The following TP73 variants were observed in gnomAD, a reference collection of about 807,000 sequenced individuals.
The protein encoded by TP73 is tumor protein p73.
In TP73, 25 loss-of-function variants were observed where a neutral mutation model predicts 62.5. The ratio of observed to expected loss-of-function variants is 0.40; its 90% CI spans 0.29 to 0.56. The LOEUF is 0.56. Among genes scored for constraint, TP73 ranks in the 20% least tolerant of loss-of-function variants. The pLI, the probability that TP73 is intolerant of heterozygous loss-of-function variation, is 0.46. For synonymous variants in TP73, 423 were observed against 377.5 expected (o/e 1.12, Z -1.40); for missense variants, 754 against 913.3 (o/e 0.83, Z 2.25).
Position 3,707,771 on chromosome 1 carries a change from G to A in TP73, c.409G>A (p.Ala137Thr), listed in dbSNP as rs1379702301. The A allele has an allele frequency of 6.2e-7, 1 of 1,612,798 alleles. No homozygotes were observed. The highest frequency in any genetic ancestry group is 8.5e-7 in the Non-Finnish European group (1 of 1,179,856). ...GGTCACTTTCCAGCAGTCCAGCACG[G>A]CCAAGTCAGCCACCTGGACGGTGAG... The part of the protein sequence containing the change: ...FEVTFQQSST[A>T]KSATWTYSPL... Residue 137 changes from alanine to threonine, a missense_variant, in exon 4 of 14, where the codon GCC becomes ACC. By Grantham distance (58) the Ala-to-Thr change is moderately conservative. This residue lies in a region of TP73 where 235 missense variants were observed against 251.4 expected (regional missense o/e 0.93). Coordinates refer to ENST00000378295, the MANE Select transcript of TP73 (RefSeq NM_005427.4).
At chr1:3,725,140 G>A (rs1641398655) in intron 6 of TP73, among the ~76,000 whole-genome samples, 1 of 152,162 alleles carries the variant, frequency 6.6e-6, no homozygotes, top group Non-Finnish European at 1.5e-5. Context: ...GCCCAGGTGA[G>A]CCCGCAGCAT....
chr1:3,670,653 G>A lies in TP73; in HGVS notation c.-33-11680G>A, dbSNP rs144549691. Among the ~76,000 whole-genome samples the A allele has an allele frequency of 3.3e-5, 5 of 152,084 alleles. No homozygotes were observed. The highest frequency in any genetic ancestry group is 6.5e-5 in the Admixed American group (1 of 15,282). Reference sequence around the variant, plus strand: ...TGCACTCCAGCCTGGGTGACAGAGCGAGACTCTATCTCAAAAAAAATAAAA... The same window carrying A: ...TGCACTCCAGCCTGGGTGACAGAGCAAGACTCTATCTCAAAAAAAATAAAA... On this transcript the variant is annotated intron_variant, in intron 1 of 13. Transcript: ENST00000378295. This position sits in a 1 kb window ranked among gnomAD's most constrained non-coding sequence, Gnocchi z 5.9.
At chr1:3,717,021 C>CT (rs1640653374) in intron 4 of TP73, among the ~76,000 whole-genome samples, 1 of 152,174 alleles carries the variant, frequency 6.6e-6, no homozygotes, top group African/African-American at 2.4e-5. Flanking sequence ...AAAATAAAAG[C>CT]CCCCACTGCA....
In TP73 at chr1:3,699,126, C is replaced by T. The variant is rs570115520; in HGVS notation, c.187-8423C>T. On this transcript the variant is annotated intron_variant, in intron 3 of 13. Coordinates refer to ENST00000378295, the MANE Select transcript of TP73 (RefSeq NM_005427.4). This position sits in a 1 kb window ranked among gnomAD's most constrained non-coding sequence, Gnocchi z 4.1. ...GCAGAGGGTGCTGTGTGCACATTGT[C>T]GGGAGAGGGAGGCTTCCCCCCAGCC... Among the ~76,000 whole-genome samples the T allele has an allele frequency of 3.8e-3, 580 of 150,824 alleles. 3 individuals carry two copies. The highest frequency in any genetic ancestry group is 5.8e-3 in the Non-Finnish European group (396 of 67,978).
At chr1:3,685,150 G>T (rs969548312) in intron 3 of TP73, among the ~76,000 whole-genome samples, 1 of 152,212 alleles carries the variant, frequency 6.6e-6, no homozygotes, top group Admixed American at 6.5e-5. Context: ...GAGGGCAGAA[G>T]GCCCCTAAGA....
chr1:3,690,096 T>C (rs1645772672), intron 3 of TP73, among the ~76,000 whole-genome samples: 2 of 152,130 alleles, frequency 1.3e-5, no homozygotes, highest in Admixed American at 6.5e-5. Context: ...TTGTCCCTGT[T>C]TCCTGGGGGC....
chr1:3,732,918 G>A lies in TP73; in HGVS notation c.1750G>A (p.Glu584Lys). 6.2e-7 allele frequency: 1 copy of A among 1,610,966 alleles called. No homozygotes were observed. The highest frequency in any genetic ancestry group is 8.5e-7 in the Non-Finnish European group (1 of 1,179,576). Residue 584 changes from glutamate to lysine, a missense_variant, in exon 14 of 14, where the codon GAG (glutamate) becomes AAG (lysine). Glu to Lys is a moderately conservative substitution (Grantham distance 56, BLOSUM62 1). Around this residue, in one of 3 missense-constraint regions of TP73, gnomAD observed 458 missense variants for 528.7 expected, o/e 0.87. Coordinates refer to ENST00000378295, the MANE Select transcript of TP73 (RefSeq NM_005427.4). ...SGELQRQRVM[E>K]AVHFRVRHTI... Reference sequence around the variant, plus strand: ...GGAACTGCAGCGCCAGCGGGTCATGGAGGCCGTGCACTTCCGCGTGCGCCA... The same window carrying A: ...GGAACTGCAGCGCCAGCGGGTCATGAAGGCCGTGCACTTCCGCGTGCGCCA...
At chr1:3,655,045 C>T (rs543795320) in intron 1 of TP73, among the ~76,000 whole-genome samples, 8 of 152,336 alleles carry the variant, frequency 5.3e-5, no homozygotes, top group Middle Eastern at 3.4e-3. Context: ...AGTGACATCG[C>T]GTACACGGTG....
At chr1:3,682,002 G>A (rs951996290) in intron 1 of TP73, among the ~76,000 whole-genome samples, 4 of 152,222 alleles carry the variant, frequency 2.6e-5, no homozygotes, top group African/African-American at 7.2e-5. Context: ...AGGCCCTCAA[G>A]GCAGCCCCAG....
At chr1:3,703,897 G>A (rs573732719) in intron 3 of TP73, among the ~76,000 whole-genome samples, 6 of 152,292 alleles carry the variant, frequency 3.9e-5, no homozygotes, top group Non-Finnish European at 7.4e-5. Flanking sequence ...GGCCATCCCC[G>A]GGCCCAAAAC....
rs138045453 is a variant in TP73 at position 3,674,834 on chromosome 1, C to T, written c.-33-7499C>T. 2.4e-3 allele frequency among the ~76,000 whole-genome samples: 371 copies of T among 152,334 alleles called. 1 individual carries two copies. The highest frequency in any genetic ancestry group is 7.9e-3 in the African/African-American group (330 of 41,570). The stretch of plus-strand genomic sequence containing the variant: ...CTGCAGGAATTCCGCTGGGCTGCTG[C>T]CTGGGAGAGCCGCTGTCTCACACAG... On this transcript the variant is annotated intron_variant, in intron 1 of 13. Coordinates refer to ENST00000378295, the MANE Select transcript of TP73 (RefSeq NM_005427.4).
At position 3,702,068 on chromosome 1, in the gene TP73, G is replaced by A. The variant is rs946908110; in HGVS notation, c.187-5481G>A. On this transcript the variant is annotated intron_variant, in intron 3 of 13. Coordinates refer to ENST00000378295, the MANE Select transcript of TP73 (RefSeq NM_005427.4). ...CTGCTGTTCTGGGATGGGCAGCCCT[G>A]GCCACCACTTCCTGCCCACCTTGTG... Among the ~76,000 whole-genome samples the A allele has an allele frequency of 2.0e-5, 3 of 152,212 alleles. No individual in the cohort carries two copies. The South Asian group carries it at 6.2e-4, about 31-fold the overall frequency.
In TP73 at chr1:3,730,167, G is replaced by A. The variant is rs199905762; in HGVS notation, c.1345+19G>A. On this transcript the variant is annotated intron_variant, in intron 11 of 13. Coordinates refer to ENST00000378295, the MANE Select transcript of TP73 (RefSeq NM_005427.4). ...CCCGTGGGTGAGTCCCTTGGGCAGTGCGGGCCCACGGGCAGGGCGGGGAGG... is the reference window on the plus strand; with the variant it reads ...CCCGTGGGTGAGTCCCTTGGGCAGTACGGGCCCACGGGCAGGGCGGGGAGG... 3.1e-4 allele frequency: 474 copies of A among 1,517,090 alleles called. 2 individuals are homozygous for A. The African/African-American group carries it at 5.2e-3, about 17-fold the overall frequency. 94.0% of individuals were successfully genotyped at this position (1,517,090 alleles called of 1,614,324 possible).
At chr1:3,653,339 C>T (rs1040784727) in intron 1 of TP73, among the ~76,000 whole-genome samples, 2 of 152,258 alleles carry the variant, frequency 1.3e-5, no homozygotes, top group Middle Eastern at 3.2e-3. Flanking sequence ...ACCTCACGCC[C>T]CCTTAGCTCC....
rs1645789936 is a variant in TP73, at chr1:3,690,591, T to TCCC, written c.186+7412_186+7413insCCC. The TCCC allele has an allele frequency of 4.8e-6, 6 of 1,249,022 alleles. No homozygotes were observed. The South Asian group carries it at 1.1e-4, about 23-fold the overall frequency. The allele number at this position is 1,249,022 out of a possible 1,614,324, so 77.4% of individuals were successfully genotyped here. A position where few individuals can be genotyped will look rare whatever the true frequency, so the allele number is the denominator to read the frequency against. Reference sequence around the variant, plus strand: ...AGCCTCCTTGGTGCGGTCCAACACATCACCGGGCAAGCTGAGGCCTGCCCC... The same window carrying TCCC: ...AGCCTCCTTGGTGCGGTCCAACACATCCCCACCGGGCAAGCTGAGGCCTGCCCC... On this transcript the variant is annotated intron_variant, in intron 3 of 13. Transcript: ENST00000378295.
intron 1 of TP73, among the ~76,000 whole-genome samples, chr1:3,681,928 T>A (rs56265633): frequency 0.096 from 13,916 of 144,540 alleles, 1,875 homozygotes; most frequent in African/African-American, 0.29. Context: ...CAGTGGATCA[T>A]AACAGACCAC....
In TP73 at chr1:3,682,407, G is replaced by T. The variant is rs1400819253; in HGVS notation, c.42G>T (p.Thr14=). 1 of 1,564,484 alleles carries T rather than the reference G, an allele frequency of 6.4e-7. No homozygotes were observed. Among genetic ancestry groups the T allele is most frequent in the South Asian group, 1.2e-5 (1 of 85,212 alleles). ...CCACCTCCCCTGATGGGGGCACCAC[G>T]TTTGAGCACCTCTGGAGCTCTCTGT... ...STATSPDGGT[T]FEHLWSSLEP... is the part of the protein sequence containing the mutation. Residue 14 remains threonine, a synonymous_variant, in exon 2 of 14, where the codon ACG becomes ACT. Transcript: ENST00000378295.
chr1:3,664,344 T>G (rs1394829828), intron 1 of TP73, among the ~76,000 whole-genome samples: 10 of 151,626 alleles, frequency 6.6e-5, no homozygotes, highest in Admixed American at 6.6e-4. Context: ...TGAGGAGGGG[T>G]GGGGGCTCTA....
chr1:3,662,827 G>T lies in TP73; in HGVS notation c.-34+10186G>T, dbSNP rs1475583759. On this transcript the variant is annotated intron_variant, in intron 1 of 13. Transcript: ENST00000378295. This position sits in a 1 kb window ranked among gnomAD's most constrained non-coding sequence, Gnocchi z 4.4. ...CAGCTCCCCACCAGGCCCCAGGACA[G>T]ACCTGGCTGGGGAGCGCAGGGAGGG... Among the ~76,000 whole-genome samples the T allele has an allele frequency of 6.6e-6, 1 of 152,214 alleles. No homozygotes were observed. Among genetic ancestry groups the T allele is most frequent in the Non-Finnish European group, 1.5e-5 (1 of 68,030 alleles).
Sources: gnomAD v4.1 joint callset for allele counts (sites outside exome capture counted in the v4.1 genomes callset) on GRCh38, gnomAD v4.1.1 for gene constraint, gnomAD v4.1.1 regional missense constraint, Gnocchi (gnomAD v3.1) non-coding constraint, MANE v1.5 for transcripts, NCBI Gene and HGNC (gene_info 2026-07-23, HGNC 2026-07-21) for gene names.